Variants in CHRM2 observed in about 807,000 individuals in gnomAD.
CHRM2 encodes the protein muscarinic acetylcholine receptor M2.
Under a neutral mutation model 25.0 loss-of-function variants are expected in CHRM2, and 8 were observed. That is an observed-to-expected ratio of 0.32 (90% CI 0.19 to 0.58). The LOEUF (loss-of-function observed/expected upper bound fraction) is 0.58. CHRM2 is among the 20% of genes least tolerant of loss of function. The pLI, the probability that CHRM2 is intolerant of heterozygous loss-of-function variation, is 0.88. For synonymous variants in CHRM2, 202 were observed against 205.7 expected (o/e 0.98, Z 0.15); for missense variants, 440 against 567.1 (o/e 0.78, Z 2.28).
chr7:136,960,094 C>T (rs1173416219), intron 2 of CHRM2, among the ~76,000 whole-genome samples: 1 of 152,226 alleles, frequency 6.6e-6, no homozygotes, highest in African/African-American at 2.4e-5. Flanking sequence ...AACTGGGCAC[C>T]AAGCAAGCTG....
intron 2 of CHRM2, among the ~76,000 whole-genome samples, chr7:136,921,138 CCT>C (rs752486635): frequency 5.3e-5 from 8 of 152,038 alleles, no homozygotes; most frequent in African/African-American, 9.7e-5. Context: ...TCTTCTCACC[CCT>C]GTCATTTACT....
intron 2 of CHRM2, chr7:136,902,027 T>C (rs1236107999): frequency 1.3e-5 from 2 of 152,024 alleles, no homozygotes; most frequent in Non-Finnish European, 2.9e-5. Context: ...ATAAGCTTAG[T>C]TAAATTGTAT....
intron 2 of CHRM2, among the ~76,000 whole-genome samples, chr7:136,935,264 T>C (rs1027895454): frequency 4.6e-5 from 7 of 152,056 alleles, no homozygotes; most frequent in African/African-American, 9.7e-5. Flanking sequence ...CTCAGAAACA[T>C]ACCTGTACAT....
At chr7:136,901,253 T>C (rs923753984) in intron 2 of CHRM2, among the ~76,000 whole-genome samples, 2 of 152,014 alleles carry the variant, frequency 1.3e-5, no homozygotes, top group African/African-American at 4.8e-5. Flanking sequence ...TTGCGGTTTT[T>C]GGTTCTTGGA....
intron 2 of CHRM2, among the ~76,000 whole-genome samples, chr7:136,927,409 GGTGTGTGTGTGTAT>G (rs1369023686): frequency 6.6e-6 from 1 of 151,514 alleles, no homozygotes; most frequent in African/African-American, 2.4e-5. Flanking sequence ...TGGTGGTGTG[GGTGTGTGTGTGTAT>G]GTGTGTGTGT....
At chr7:137,013,889 G>T (rs562636393) in intron 3 of CHRM2, among the ~76,000 whole-genome samples, 4 of 152,128 alleles carry the variant, frequency 2.6e-5, no homozygotes, top group African/African-American at 9.6e-5. Context: ...ATGAATGACT[G>T]AACAAACTGG....
chr7:136,921,255 G>T (rs1392100059), intron 2 of CHRM2, among the ~76,000 whole-genome samples: 1 of 152,052 alleles, frequency 6.6e-6, no homozygotes. Flanking sequence ...TCTGCTTTGA[G>T]TCTTCCCATC....
chr7:136,933,054 A>AT (rs961582386), intron 2 of CHRM2, among the ~76,000 whole-genome samples: 4 of 144,366 alleles, frequency 2.8e-5, no homozygotes, highest in Non-Finnish European at 6.2e-5. Flanking sequence ...AAATACATAA[A>AT]TAAATAAATA....
chr7:136,887,476 C>T (rs914095221), intron 2 of CHRM2, among the ~76,000 whole-genome samples: 8 of 152,064 alleles, frequency 5.3e-5, no homozygotes, highest in African/African-American at 1.4e-4. Flanking sequence ...TTTCATCCTT[C>T]CTTACAGTGA....
At chr7:136,953,251 T>G (rs1299695555) in intron 2 of CHRM2, among the ~76,000 whole-genome samples, 3 of 152,126 alleles carry the variant, frequency 2.0e-5, no homozygotes, top group African/African-American at 7.2e-5. Flanking sequence ...GTCTGACTGT[T>G]TAGAGACTGA....
intron 3 of CHRM2, among the ~76,000 whole-genome samples, chr7:137,000,348 G>C (rs945872241): frequency 5.3e-5 from 8 of 150,802 alleles, no homozygotes; most frequent in Non-Finnish European, 7.4e-5. Flanking sequence ...ATAAATGCCC[G>C]CCACTATGCC....
intron 2 of CHRM2, among the ~76,000 whole-genome samples, chr7:136,878,969 C>CTAG (rs1201484354): frequency 2.6e-5 from 4 of 151,856 alleles, no homozygotes; most frequent in African/African-American, 9.7e-5. Flanking sequence ...AGTCTCACTT[C>CTAG]TAGTCAGTGT....
chr7:136,909,808 T>A (rs1797743328), intron 2 of CHRM2, among the ~76,000 whole-genome samples: 1 of 151,974 alleles, frequency 6.6e-6, no homozygotes, highest in African/African-American at 2.4e-5. Context: ...CAAATTTATA[T>A]AAATATGCAT....
At chr7:137,011,972 G>A (rs2131116369) in intron 3 of CHRM2, among the ~76,000 whole-genome samples, 1 of 152,068 alleles carries the variant, frequency 6.6e-6, no homozygotes, top group Admixed American at 6.6e-5. Flanking sequence ...CATCAAACTA[G>A]TTGATTTTGA....
chr7:136,892,036 G>A, intron 2 of CHRM2, among the ~76,000 whole-genome samples: 1 of 152,204 alleles, frequency 6.6e-6, no homozygotes, highest in Non-Finnish European at 1.5e-5. Context: ...GCCTAGAATA[G>A]TATCTGTTAC....
intron 2 of CHRM2, among the ~76,000 whole-genome samples, chr7:136,991,097 C>T (rs951169356): frequency 2.6e-5 from 4 of 152,040 alleles, no homozygotes; most frequent in Admixed American, 1.3e-4. Context: ...TGCTCATTGT[C>T]TTCACATTGT....
intron 3 of CHRM2, among the ~76,000 whole-genome samples, chr7:137,014,380 C>A (rs1805031199): frequency 6.6e-6 from 1 of 151,980 alleles, no homozygotes; most frequent in Non-Finnish European, 1.5e-5. Flanking sequence ...CAATATTATA[C>A]ATTCTATGCT....
At chr7:136,963,625 C>G (rs1017208630) in intron 2 of CHRM2, among the ~76,000 whole-genome samples, 2 of 152,070 alleles carry the variant, frequency 1.3e-5, no homozygotes, top group Non-Finnish European at 2.9e-5. Context: ...ACAATTTAGT[C>G]CAGTACATTT....
chr7:136,895,285 G>A (rs1796849405), intron 2 of CHRM2, among the ~76,000 whole-genome samples: 2 of 152,098 alleles, frequency 1.3e-5, no homozygotes, highest in Admixed American at 1.3e-4. Flanking sequence ...GTATGTATAA[G>A]GAGAATCTAT....
Sources: allele counts gnomAD v4.1 joint callset (sites outside exome capture counted in the v4.1 genomes callset), GRCh38; gene constraint gnomAD v4.1.1; transcripts MANE v1.5; gene names NCBI Gene and HGNC (gene_info 2026-07-23, HGNC 2026-07-21).